The following DLGAP2 variants were observed in gnomAD, a reference collection of about 807,000 sequenced individuals.
DLGAP2 encodes DLG associated protein 2.
A neutral mutation model predicts 100.3 loss-of-function variants in DLGAP2; 26 were observed. The ratio of observed to expected loss-of-function variants is 0.26; its 90% CI spans 0.19 to 0.36. The LOEUF is 0.36. DLGAP2 is among the 10% of genes least tolerant of loss of function. The probability of loss-of-function intolerance (pLI) is 1.00; values close to 1 mark genes in which losing one functional copy is unlikely to be tolerated. For missense variants in DLGAP2, 1,858 were observed against 1,453.2 expected, an observed-to-expected ratio of 1.28 and a Z score of -4.53; for synonymous variants, 886 against 630.1, an observed-to-expected ratio of 1.41 and a Z score of -6.08.
intron 6 of DLGAP2, among the ~76,000 whole-genome samples, chr8:1,584,574 C>T (rs979756385): frequency 6.6e-6 from 1 of 152,172 alleles, no homozygotes; most frequent in African/African-American, 2.4e-5. Flanking sequence ...GTTGCCAGCA[C>T]GTGCAGAGAG....
At chr8:1,275,784 T>G (rs1355480671) in intron 3 of DLGAP2, among the ~76,000 whole-genome samples, 4 of 124,000 alleles carry the variant, frequency 3.2e-5, no homozygotes, top group African/African-American at 1.2e-4. Context: ...TATATAAAAA[T>G]ATATAATATA....
At chr8:1,629,413 C>T (rs1456116965) in intron 7 of DLGAP2, among the ~76,000 whole-genome samples, 1 of 152,166 alleles carries the variant, frequency 6.6e-6, no homozygotes, top group South Asian at 2.1e-4. Flanking sequence ...GTCCTCCAGC[C>T]CCCTGCTCCC....
In DLGAP2 at chr8:1,492,946, A is replaced by G. The variant is rs1324700522; in HGVS notation, c.107-8420A>G. On this transcript the variant is annotated intron_variant, in intron 3 of 14. Coordinates refer to ENST00000637795, the MANE Select transcript of DLGAP2 (RefSeq NM_001346810.2). The stretch of plus-strand genomic sequence containing the variant: ...AACCCGCCCTCCACCCTCCACTGCC[A>G]TCCCACCTACGCATAGGGAACAGGT... 2.0e-5 allele frequency among the ~76,000 whole-genome samples: 3 copies of G among 152,152 alleles called. No individual in the cohort carries two copies. The East Asian group carries it at 5.8e-4, about 29-fold the overall frequency.
Position 1,409,484 on chromosome 8 carries a change from A to G in DLGAP2, c.107-91882A>G, listed in dbSNP as rs368741640. On this transcript the variant is annotated intron_variant, in intron 3 of 14. Transcript: ENST00000637795. ...AAGACTGATTTCAGAAATTCTCCAG[A>G]CACAAGTTCAAGAAGAGAGCTGGGT... Among the ~76,000 whole-genome samples the G allele has an allele frequency of 5.9e-5, 9 of 152,344 alleles. No individual in the cohort carries two copies. In the East Asian group the frequency reaches 7.7e-4, roughly 13 times the overall value.
chr8:1,597,887 C>G (rs1796508548), intron 6 of DLGAP2, among the ~76,000 whole-genome samples: 1 of 152,146 alleles, frequency 6.6e-6, no homozygotes, highest in Non-Finnish European at 1.5e-5. Flanking sequence ...TTGTCCTGAC[C>G]AGAACATCCA....
intron 2 of DLGAP2, among the ~76,000 whole-genome samples, chr8:1,143,780 CTG>C (rs761021309): frequency 1.4e-4 from 21 of 152,240 alleles, no homozygotes; most frequent in Non-Finnish European, 2.8e-4. Flanking sequence ...ACCAGCACCT[CTG>C]TGTGCAGGCA....
chr8:784,240 A>G (rs572766867), intron 1 of DLGAP2, among the ~76,000 whole-genome samples: 17 of 152,376 alleles, frequency 1.1e-4, no homozygotes, highest in Non-Finnish European at 2.4e-4. Flanking sequence ...AGGGTCACCT[A>G]TAAAACTAAC....
chr8:869,920 A>G (rs1797566089), intron 1 of DLGAP2, among the ~76,000 whole-genome samples: 1 of 152,038 alleles, frequency 6.6e-6, no homozygotes, highest in South Asian at 2.1e-4. Flanking sequence ...AGGACTAATC[A>G]GGGAGTACAG....
At chr8:1,592,742 A>G (rs185526930) in intron 6 of DLGAP2, among the ~76,000 whole-genome samples, 2 of 152,278 alleles carry the variant, frequency 1.3e-5, no homozygotes, top group East Asian at 1.9e-4. Context: ...TGATTAAATT[A>G]TGACCTCCTC....
At chr8:1,156,130 C>T (rs2129052089) in intron 2 of DLGAP2, among the ~76,000 whole-genome samples, 1 of 152,258 alleles carries the variant, frequency 6.6e-6, no homozygotes, top group African/African-American at 2.4e-5. Context: ...GGTGCAGGGG[C>T]TTCCCTAGGA....
chr8:1,212,219 G>C (rs545480868), intron 2 of DLGAP2, among the ~76,000 whole-genome samples: 1 of 152,182 alleles, frequency 6.6e-6, no homozygotes, highest in Admixed American at 6.5e-5. Context: ...TCAAAGACAC[G>C]CAGGTTGTCT....
Position 1,584,636 on chromosome 8 carries a change from A to T in DLGAP2, c.1442+18742A>T, listed in dbSNP as rs73671236. On this transcript the variant is annotated intron_variant, in intron 6 of 14. Coordinates refer to ENST00000637795, the MANE Select transcript of DLGAP2 (RefSeq NM_001346810.2). ...CCTAGGGGTTCCCAGGTCCCTGACG[A>T]TGTCTCTCCTCAGAAGCTCAGGCAT... Among the ~76,000 whole-genome samples, 1,509 of 152,264 alleles carry T rather than the reference A, an allele frequency of 9.9e-3. 20 individuals are homozygous for T. The highest frequency in any genetic ancestry group is 0.035 in the African/African-American group (1,439 of 41,566).
intron 2 of DLGAP2, among the ~76,000 whole-genome samples, chr8:1,089,686 G>A (rs1463240153): frequency 1.3e-5 from 2 of 152,246 alleles, no homozygotes; most frequent in Non-Finnish European, 2.9e-5. Flanking sequence ...TATAAATGCT[G>A]TGTTCATGAT....
Position 1,380,856 on chromosome 8 carries a change from A to G in DLGAP2, c.107-120510A>G, listed in dbSNP as rs146564802. On this transcript the variant is annotated intron_variant, in intron 3 of 14. Coordinates refer to ENST00000637795, the MANE Select transcript of DLGAP2 (RefSeq NM_001346810.2). The stretch of plus-strand genomic sequence containing the variant: ...ACTAAAAGTTTAAACTTAAGAAAAT[A>G]AAGCCATAAGAATTGCAAAATATGA... Among the ~76,000 whole-genome samples the G allele has an allele frequency of 4.7e-3, 707 of 151,474 alleles. 23 individuals are homozygous for G. The East Asian group carries it at 0.1, about 22-fold the overall frequency.
chr8:982,476 G>C (rs7008501), intron 2 of DLGAP2, among the ~76,000 whole-genome samples: 1,526 of 152,234 alleles, frequency 0.01, 25 homozygotes, highest in African/African-American at 0.034. Context: ...ACCCACAAAG[G>C]GCTTTTCTCT....
chr8:1,342,478 T>G (rs1324926329), intron 3 of DLGAP2, among the ~76,000 whole-genome samples: 2 of 151,510 alleles, frequency 1.3e-5, no homozygotes, highest in Non-Finnish European at 2.9e-5. Flanking sequence ...TTCAGCTAAC[T>G]TTTTCTGTGA....
chr8:1,595,314 C>A (rs1275106903), intron 6 of DLGAP2, among the ~76,000 whole-genome samples: 4 of 151,826 alleles, frequency 2.6e-5, no homozygotes, highest in Non-Finnish European at 4.4e-5. Context: ...AAATAACATA[C>A]AAAAGAGAAG....
intron 2 of DLGAP2, among the ~76,000 whole-genome samples, chr8:1,040,691 G>T (rs1382975296): frequency 6.6e-6 from 1 of 151,992 alleles, no homozygotes; most frequent in Non-Finnish European, 1.5e-5. Context: ...GGTTTCCGTG[G>T]TCGGCTCGGT....
intron 2 of DLGAP2, among the ~76,000 whole-genome samples, chr8:925,296 T>G (rs1167652866): frequency 7.2e-5 from 11 of 152,142 alleles, no homozygotes; most frequent in African/African-American, 2.7e-4. Context: ...ATTATAATGT[T>G]TTTTTTGTAG....
Sources: allele counts gnomAD v4.1 joint callset (sites outside exome capture counted in the v4.1 genomes callset), GRCh38; gene constraint gnomAD v4.1.1; transcripts MANE v1.5; gene names NCBI Gene and HGNC (gene_info 2026-07-23, HGNC 2026-07-21).